GABRD: variants seen among roughly 807,000 people sequenced by gnomAD.
GABRD encodes the protein gamma-aminobutyric acid type A receptor subunit delta.
In GABRD, 25 loss-of-function variants were observed where a neutral mutation model predicts 47.3. That is an observed-to-expected ratio of 0.53 (90% CI 0.39 to 0.74). The LOEUF (loss-of-function observed/expected upper bound fraction) is 0.74, where lower values mean the gene tolerates loss of function less well. GABRD is among the 30% of genes least tolerant of loss of function. GABRD has a pLI of 0.00. For missense variants in GABRD, 497 were observed against 643.4 expected, an observed-to-expected ratio of 0.77 and a Z score of 2.46; for synonymous variants, 314 against 278.8, an observed-to-expected ratio of 1.13 and a Z score of -1.26.
Position 2,028,876 on chromosome 1 carries a change from C to A in GABRD, c.692-235C>A. 2 of 583,062 alleles carry A rather than the reference C, an allele frequency of 3.4e-6. No homozygotes were observed. 36.1% of individuals were successfully genotyped at this position (583,062 alleles called of 1,614,324 possible). The stretch of plus-strand genomic sequence containing the variant: ...AACATGAGGCCAGCAGTAACCTCAG[C>A]CTCTCTCCCTCTCCTCTGGGTGACA... On this transcript the variant is annotated intron_variant, in intron 6 of 8. Coordinates refer to ENST00000378585, the MANE Select transcript of GABRD (RefSeq NM_000815.5). The surrounding 1 kb of genome is among the most constrained non-coding windows in gnomAD (Gnocchi z 6.4).
chr1:2,025,075 G>A (rs970850313), intron 2 of GABRD, 21 bp downstream of exon 2: 29 of 1,589,814 alleles, frequency 1.8e-5, no homozygotes, highest in East Asian at 1.4e-4. Context: ...GTCCAGGCCC[G>A]GCAGGCAGGA....
intron 4 of GABRD, 108 bp downstream of exon 4, chr1:2,025,846 AGCTG>A: frequency 1.0e-6 from 1 of 988,546 alleles, no homozygotes; most frequent in Non-Finnish European, 1.5e-6. Context: ...TGCTGCCGGG[AGCTG>A]GCGGGCGGGC....
Position 2,025,334 on chromosome 1 carries a change from G to A in GABRD, c.182G>A (p.Gly61Asp). The A allele has an allele frequency of 6.2e-7, 1 of 1,613,106 alleles. No homozygotes were observed. The highest frequency in any genetic ancestry group is 8.5e-7 in the Non-Finnish European group (1 of 1,179,962). Reference protein sequence around the residue: ...YARNFRPGIGGPPVNVALALE... With the variant: ...YARNFRPGIGDPPVNVALALE... ...TCTTAGTTCTGCTCTTTCCTTGCAG[G>A]CCCCCCCGTGAATGTGGCCCTTGCC... Residue 61 changes from glycine (G) to aspartate (D), a missense_variant and splice_region_variant, in exon 3 of 9, where the codon GGC becomes GAC. Physicochemically the swap from Gly to Asp is moderately conservative, Grantham distance 94. This residue lies in a region of GABRD where 91 missense variants were observed against 85.5 expected (regional missense o/e 1.06). Coordinates refer to ENST00000378585, the MANE Select transcript of GABRD (RefSeq NM_000815.5).
At position 2,028,717 on chromosome 1, in the gene GABRD, G is replaced by A. The variant is rs927371696; in HGVS notation, c.692-394G>A. ...CCACTTTCCCACCCCTACGCACCCC[G>A]TCCCCGGTCATCCAGAGCCAGTGAG... On this transcript the variant is annotated intron_variant, in intron 6 of 8. Coordinates refer to ENST00000378585, the MANE Select transcript of GABRD (RefSeq NM_000815.5). The surrounding 1 kb of genome is among the most constrained non-coding windows in gnomAD (Gnocchi z 6.4). Among the ~76,000 whole-genome samples, 10 of 145,702 alleles carry A rather than the reference G, an allele frequency of 6.9e-5. No individual in the cohort carries two copies. The highest frequency in any genetic ancestry group is 1.0e-4 in the Non-Finnish European group (7 of 67,266).
rs1557445506 is a variant in GABRD, at chr1:2,025,644, A to G, written c.376A>G (p.Ile126Val). Residue 126 changes from isoleucine (I) to valine (V), a missense_variant, in exon 4 of 9, where the codon ATC (isoleucine) becomes GTC (valine). By Grantham distance (29) the Ile-to-Val change is conservative. Around this residue, in one of 3 missense-constraint regions of GABRD, gnomAD observed 285 missense variants for 436.6 expected, o/e 0.65. Coordinates refer to ENST00000378585, the MANE Select transcript of GABRD (RefSeq NM_000815.5). ...VDKLWLPDTFIVNAKSAWFHD... is the reference protein window; with the variant it reads ...VDKLWLPDTFVVNAKSAWFHD... ...CAAGCTGTGGCTGCCCGACACCTTC[A>G]TCGTGAACGCCAAGTCGGCCTGGTT... is the stretch of plus-strand genomic sequence containing the variant. 1 of 1,613,012 alleles carries G rather than the reference A, an allele frequency of 6.2e-7. No homozygotes were observed. The highest frequency in any genetic ancestry group is 1.3e-5 in the African/African-American group (1 of 75,046).
chr1:2,030,344 C>G lies in GABRD; in HGVS notation c.*62C>G, dbSNP rs1420014917. The G allele has an allele frequency of 7.0e-7, 1 of 1,435,136 alleles. No individual in the cohort carries two copies. Among genetic ancestry groups the G allele is most frequent in the Non-Finnish European group, 9.3e-7 (1 of 1,080,928 alleles). 88.9% of individuals were successfully genotyped at this position (1,435,136 alleles called of 1,614,324 possible). On this transcript the variant is annotated 3_prime_UTR_variant, in exon 9 of 9. Transcript: ENST00000378585. ...CCGGCGGCAGCTGCCCAGAAACTTCCTGGGAGAAAGAGCCCTCGGGCTGCC... is the reference window on the plus strand; with the variant it reads ...CCGGCGGCAGCTGCCCAGAAACTTCGTGGGAGAAAGAGCCCTCGGGCTGCC...
chr1:2,024,760 T>C (rs1658872554), intron 1 of GABRD, 182 bp from the exon 2 acceptor site: 1 of 551,168 alleles, frequency 1.8e-6, no homozygotes. Flanking sequence ...CCTCCCGGGG[T>C]TCCCTGTGTC....
At chr1:2,019,951 G>A (rs1658731498) in intron 1 of GABRD, among the ~76,000 whole-genome samples, 1 of 152,210 alleles carries the variant, frequency 6.6e-6, no homozygotes. Context: ...TCCCCAGCCG[G>A]AGGGTCTGGG....
intron 1 of GABRD, among the ~76,000 whole-genome samples, chr1:2,019,815 C>T (rs1297961658): frequency 3.9e-5 from 6 of 152,074 alleles, no homozygotes; most frequent in Non-Finnish European, 7.4e-5. Context: ...GTGGAGGGTC[C>T]CCGGGTCCGC....
At chr1:2,029,896 G>T in intron 8 of GABRD, 87 bp from the exon 9 acceptor site, 1 of 1,564,090 alleles carries the variant, frequency 6.4e-7, no homozygotes, top group Non-Finnish European at 8.8e-7. Flanking sequence ...TCCAGGCGGG[G>T]CCCCCGCATG....
intron 1 of GABRD, among the ~76,000 whole-genome samples, chr1:2,021,073 G>A (rs901978214): frequency 6.6e-6 from 1 of 152,240 alleles, no homozygotes; most frequent in African/African-American, 2.4e-5. Flanking sequence ...CCACGGCCCA[G>A]CCAGGAGTGG....
At chr1:2,029,870 G>T in intron 8 of GABRD, 108 bp downstream of exon 8, 1 of 1,508,480 alleles carries the variant, frequency 6.6e-7, no homozygotes, top group Non-Finnish European at 9.2e-7. Flanking sequence ...TGAGCGTGGG[G>T]GGCTGGAGCT....
At chr1:2,021,740 C>T (rs1296640837) in intron 1 of GABRD, among the ~76,000 whole-genome samples, 1 of 152,222 alleles carries the variant, frequency 6.6e-6, no homozygotes, top group Non-Finnish European at 1.5e-5. Context: ...TCGCGGTGCG[C>T]TGGTGGCGGT....
chr1:2,025,512 C>G lies in GABRD; in HGVS notation c.250-6C>G. ...CTGACCCCCGGCCCCTGTGCCACCT[C>G]CACAGGAGTACACCATGACGGTGTT... On this transcript the variant is annotated splice_region_variant and splice_polypyrimidine_tract_variant and intron_variant, in intron 3 of 8. Transcript: ENST00000378585. The G allele has an allele frequency of 1.2e-6, 2 of 1,612,538 alleles. No individual in the cohort carries two copies. The highest frequency in any genetic ancestry group is 1.7e-6 in the Non-Finnish European group (2 of 1,179,536).
chr1:2,029,402 A>G, intron 7 of GABRD, 136 bp downstream of exon 7: 1 of 1,274,596 alleles, frequency 7.8e-7, no homozygotes, highest in South Asian at 1.4e-5. Context: ...CAGCCGGGCC[A>G]GGCCAGGTCA....
intron 1 of GABRD, among the ~76,000 whole-genome samples, chr1:2,020,752 C>CA (rs1658751081): frequency 1.3e-5 from 2 of 152,350 alleles, no homozygotes; most frequent in East Asian, 3.9e-4. Context: ...GCCACTTAGC[C>CA]AAGAGGCTGA....
intron 4 of GABRD, 199 bp from the exon 5 acceptor site, chr1:2,027,377 TC>T (rs946003729): frequency 3.2e-6 from 2 of 625,100 alleles, no homozygotes; most frequent in African/African-American, 3.6e-5. Flanking sequence ...GAAATCCAGT[TC>T]TTGACGGTCC....
chr1:2,029,101 G>T lies in GABRD; in HGVS notation c.692-10G>T. 6.5e-7 allele frequency: 1 copy of T among 1,539,862 alleles called. No individual in the cohort carries two copies. Among genetic ancestry groups the T allele is most frequent in the Non-Finnish European group, 8.7e-7 (1 of 1,146,858 alleles). On this transcript the variant is annotated splice_polypyrimidine_tract_variant and intron_variant, in intron 6 of 8. Transcript: ENST00000378585. Reference sequence around the variant, plus strand: ...AGGGATGGGGGCACTGACGGTGGCTGTCCTGGCAGCTGGCCAGTTCCCACG... The same window carrying T: ...AGGGATGGGGGCACTGACGGTGGCTTTCCTGGCAGCTGGCCAGTTCCCACG...
intron 3 of GABRD, 46 bp from the exon 4 acceptor site, chr1:2,025,472 G>A (rs1404171083): frequency 1.2e-6 from 2 of 1,611,290 alleles, no homozygotes; most frequent in Admixed American, 1.7e-5. Flanking sequence ...GCATGCCCCT[G>A]GGGGTGGAGC....
Sources: allele counts gnomAD v4.1 joint callset (sites outside exome capture counted in the v4.1 genomes callset), GRCh38; gene constraint gnomAD v4.1.1; regional missense constraint gnomAD v4.1.1; non-coding constraint Gnocchi (gnomAD v3.1); transcripts MANE v1.5; gene names NCBI Gene and HGNC (gene_info 2026-07-23, HGNC 2026-07-21).